CAMSAP1: variants seen among roughly 807,000 people sequenced by gnomAD.
CAMSAP1 encodes calmodulin regulated spectrin associated protein 1, also known as calmodulin-regulated spectrin-associated protein 1.
CAMSAP1 carries 58 observed loss-of-function variants against 143.5 expected under a neutral mutation model. The ratio of observed to expected loss-of-function variants is 0.40; its 90% CI spans 0.33 to 0.50. The LOEUF (loss-of-function observed/expected upper bound fraction) is 0.50, where lower values mean the gene tolerates loss of function less well. Ranked by LOEUF, CAMSAP1 falls within the 20% of genes least tolerant of loss-of-function variation. The pLI is 0.45. For synonymous variants in CAMSAP1, 945 were observed against 859.3 expected, an observed-to-expected ratio of 1.10 and a Z score of -1.74; for missense variants, 1,969 against 2,115.7, an observed-to-expected ratio of 0.93 and a Z score of 1.36.
chr9:135,902,642 A>G (rs1412457415), intron 1 of CAMSAP1, among the ~76,000 whole-genome samples: 1 of 152,248 alleles, frequency 6.6e-6, no homozygotes, highest in Non-Finnish European at 1.5e-5. Flanking sequence ...TGCCTATATC[A>G]TGAAACTGCT....
rs371788278 is a variant in CAMSAP1 at position 135,822,437 on chromosome 9, C to T, written c.2224G>A (p.Val742Met). ...TGCTCGGCTTCCTCTATGTCCACCA[C>T]ATCCGAGTCAGAATCCTGCCTGAGG... is the stretch of plus-strand genomic sequence containing the variant. Reference protein sequence around the residue: ...TLLRQDSDSDVVDIEEAEHDF... With the variant: ...TLLRQDSDSDMVDIEEAEHDF... Residue 742 changes from valine (V) to methionine (M), a missense_variant, in exon 11 of 17, where the codon GTG becomes ATG. Val to Met is a conservative substitution (Grantham distance 21). This residue lies in a region of CAMSAP1 where 1,390 missense variants were observed against 1,420.8 expected (regional missense o/e 0.98). Coordinates refer to ENST00000389532, the MANE Select transcript of CAMSAP1 (RefSeq NM_015447.4). The surrounding 1 kb of genome is among the most constrained non-coding windows in gnomAD (Gnocchi z 6.1). 79 of 1,613,742 alleles carry T rather than the reference C, an allele frequency of 4.9e-5. No individual in the cohort carries two copies. The highest frequency in any genetic ancestry group is 3.3e-4 in the Middle Eastern group (2 of 6,084).
At chr9:135,840,686 G>A (rs1408264877) in intron 7 of CAMSAP1, among the ~76,000 whole-genome samples, 1 of 152,212 alleles carries the variant, frequency 6.6e-6, no homozygotes, top group African/African-American at 2.4e-5. Flanking sequence ...TTTCATTGGG[G>A]CTGATTAGAC....
At chr9:135,846,699 A>ATC (rs1564436664) in intron 7 of CAMSAP1, among the ~76,000 whole-genome samples, 1 of 151,842 alleles carries the variant, frequency 6.6e-6, no homozygotes, top group Non-Finnish European at 1.5e-5. Flanking sequence ...AAAAAAAAAA[A>ATC]AAAATCAAAA....
intron 1 of CAMSAP1, among the ~76,000 whole-genome samples, chr9:135,886,778 G>A (rs970936789): frequency 6.6e-6 from 1 of 152,250 alleles, no homozygotes; most frequent in African/African-American, 2.4e-5. Context: ...ACCGCCAGGA[G>A]AGACAATGGA....
At position 135,809,211 on chromosome 9, in the gene CAMSAP1, C is replaced by T. The variant is rs1215055701; in HGVS notation, c.*2098G>A. ...GGTTGCTGTGTCCAAGCATGAAGAA[C>T]GCAGGGACGCTTCTGTCAATCATTA... On this transcript the variant is annotated 3_prime_UTR_variant, in exon 17 of 17. Transcript: ENST00000389532. 6.6e-6 allele frequency: 1 copy of T among 152,142 alleles called. No homozygotes were observed. Among genetic ancestry groups the T allele is most frequent in the Non-Finnish European group, 1.5e-5 (1 of 68,024 alleles). The allele number at this position is 152,142 out of a possible 1,614,324, so 9.4% of individuals were successfully genotyped here. A position where few individuals can be genotyped will look rare whatever the true frequency, so the allele number is the denominator to read the frequency against.
chr9:135,823,224 G>C lies in CAMSAP1; in HGVS notation c.1437C>G (p.His479Gln). ...TGGGATCCACTTCACAACTCGCAGC[G>C]TGATGTAGAGCAAAAGGTGTTGGCT... ...ASQPTPFALH[H>Q]AASCEVDPSS... The change falls in exon 11 of 17, where the codon CAC (histidine) becomes CAG (glutamine). Residue 479 changes from histidine to glutamine, a missense_variant. His to Gln is a conservative substitution (Grantham distance 24). Coordinates refer to ENST00000389532, the MANE Select transcript of CAMSAP1 (RefSeq NM_015447.4). 6.4e-7 allele frequency: 1 copy of C among 1,569,248 alleles called. No homozygotes were observed. The highest frequency in any genetic ancestry group is 8.6e-7 in the Non-Finnish European group (1 of 1,156,688).
intron 1 of CAMSAP1, among the ~76,000 whole-genome samples, chr9:135,886,477 G>A (rs996134725): frequency 3.3e-5 from 5 of 152,326 alleles, no homozygotes; most frequent in Admixed American, 3.3e-4. Flanking sequence ...AAATGACCCT[G>A]TTAAGAGAAT....
chr9:135,823,289 C>A (rs377113874), intron 10 of CAMSAP1, 29 bp from the exon 11 acceptor site: 2 of 1,528,950 alleles, frequency 1.3e-6, no homozygotes, highest in Non-Finnish European at 1.8e-6. Flanking sequence ...CCACTGGGTG[C>A]GCTGCGGTAT....
Position 135,850,377 on chromosome 9 carries a change from T to C in CAMSAP1, c.893A>G (p.Asn298Ser), listed in dbSNP as rs751192974. Residue 298 changes from asparagine to serine, a missense_variant, in exon 6 of 17, where the codon AAT becomes AGT. Asn to Ser is a conservative substitution (Grantham distance 46, BLOSUM62 1). Transcript: ENST00000389532. ...TTCCAAGGTGAGATAAAAACATTTA[T>C]TAAGATATTCATTGGAGAATTCTCT... is the stretch of plus-strand genomic sequence containing the variant. ...LLREFSNEYL[N>S]KCFYLTLEDM... The C allele has an allele frequency of 5.6e-6, 9 of 1,611,324 alleles. No individual in the cohort carries two copies. The East Asian group carries it at 1.8e-4, about 32-fold the overall frequency.
chr9:135,840,378 T>G lies in CAMSAP1; in HGVS notation c.1045+9759A>C, dbSNP rs552762534. Among the ~76,000 whole-genome samples the G allele has an allele frequency of 6.6e-5, 10 of 152,254 alleles. No homozygotes were observed. The South Asian group carries it at 1.2e-3, about 19-fold the overall frequency. On this transcript the variant is annotated intron_variant, in intron 7 of 16. Transcript: ENST00000389532. ...GCTTCCTAGCATTCCTGACTCCTCA[T>G]TCCTAAGGACCAGCAGGCAAGAAGA...
At chr9:135,904,484 C>T (rs768257340) in intron 1 of CAMSAP1, among the ~76,000 whole-genome samples, 37 of 152,012 alleles carry the variant, frequency 2.4e-4, no homozygotes, top group Non-Finnish European at 4.7e-4. Context: ...AGTTGGAGAC[C>T]AGCCTGGGAA....
At chr9:135,860,371 G>A (rs997366836) in intron 5 of CAMSAP1, among the ~76,000 whole-genome samples, 5 of 152,164 alleles carry the variant, frequency 3.3e-5, no homozygotes, top group Non-Finnish European at 7.4e-5. Context: ...GCCAAGGCAG[G>A]TGGATCACCT....
intron 3 of CAMSAP1, among the ~76,000 whole-genome samples, chr9:135,867,489 T>A (rs12002067): frequency 0.023 from 3,223 of 142,590 alleles, 98 homozygotes; most frequent in African/African-American, 0.058. Flanking sequence ...TTTTTTTTTT[T>A]AAAAAAAAAG....
intron 3 of CAMSAP1, among the ~76,000 whole-genome samples, chr9:135,880,705 G>C (rs1184928049): frequency 6.6e-6 from 1 of 152,170 alleles, no homozygotes; most frequent in Non-Finnish European, 1.5e-5. Context: ...ACCATCCTGC[G>C]TGAGCCTCTT....
chr9:135,863,995 G>A (rs1837285520), intron 4 of CAMSAP1, among the ~76,000 whole-genome samples: 1 of 152,210 alleles, frequency 6.6e-6, no homozygotes, highest in Non-Finnish European at 1.5e-5. Flanking sequence ...TAGCTGCCTT[G>A]CAAATCAGGT....
Position 135,818,989 on chromosome 9 carries a change from C to T in CAMSAP1, c.3959+21G>A, listed in dbSNP as rs755143373. 41 of 1,600,174 alleles carry T rather than the reference C, an allele frequency of 2.6e-5. No individual in the cohort carries two copies. Among genetic ancestry groups the T allele is most frequent in the Middle Eastern group, 3.6e-4 (2 of 5,618 alleles). On this transcript the variant is annotated intron_variant, in intron 12 of 16. Transcript: ENST00000389532. This position sits in a 1 kb window ranked among gnomAD's most constrained non-coding sequence, Gnocchi z 7.7. ...ACCAGGCTCCTGCTCAGTCTGCTTT[C>T]CCCCCCGGCGGGACGCTTACCGGGC... is the stretch of plus-strand genomic sequence containing the variant.
chr9:135,897,792 A>T (rs899512655), intron 1 of CAMSAP1, among the ~76,000 whole-genome samples: 1 of 152,208 alleles, frequency 6.6e-6, no homozygotes, highest in East Asian at 1.9e-4. Context: ...TCAGAACAGC[A>T]TGCGATTTAA....
chr9:135,839,735 G>A (rs1351019122), intron 7 of CAMSAP1, among the ~76,000 whole-genome samples: 1 of 152,118 alleles, frequency 6.6e-6, no homozygotes, highest in African/African-American at 2.4e-5. Context: ...CTGCACAGGA[G>A]CAGGGGCACG....
Position 135,813,310 on chromosome 9 carries a change from C to A in CAMSAP1, c.4507-1699G>T, listed in dbSNP as rs573398445. On this transcript the variant is annotated intron_variant, in intron 16 of 16. Coordinates refer to ENST00000389532, the MANE Select transcript of CAMSAP1 (RefSeq NM_015447.4). ...GGCTGAGATGCCAGCCCTCTTATGT[C>A]AATGCCACTCTTCTATTTATTTGGC... 2.1e-4 allele frequency among the ~76,000 whole-genome samples: 32 copies of A among 152,344 alleles called. 1 individual carries two copies. Among genetic ancestry groups the A allele is most frequent in the Non-Finnish European group, 1.2e-4 (8 of 68,038 alleles).
Sources: allele counts gnomAD v4.1 joint callset (sites outside exome capture counted in the v4.1 genomes callset), GRCh38; gene constraint gnomAD v4.1.1; regional missense constraint gnomAD v4.1.1; non-coding constraint Gnocchi (gnomAD v3.1); transcripts MANE v1.5; gene names NCBI Gene and HGNC (gene_info 2026-07-23, HGNC 2026-07-21).